GRIK2: variants seen among roughly 807,000 people sequenced by gnomAD.
GRIK2 encodes the protein glutamate ionotropic receptor kainate type subunit 2, also known as glutamate receptor ionotropic, kainate 2.
Under a neutral mutation model 100.3 loss-of-function variants are expected in GRIK2, and 32 were observed. The ratio of observed to expected loss-of-function variants is 0.32; its 90% CI spans 0.24 to 0.43. GRIK2 has a LOEUF of 0.43. Among genes scored for constraint, GRIK2 ranks in the 20% least tolerant of loss-of-function variants. The pLI is 1.00. For missense variants in GRIK2, 843 were observed against 1,114.9 expected (o/e 0.76, Z 3.47); for synonymous variants, 417 against 389.4 (o/e 1.07, Z -0.83).
chr6:101,601,057 TG>T (rs1329401644), intron 2 of GRIK2, among the ~76,000 whole-genome samples: 1 of 151,660 alleles, frequency 6.6e-6, no homozygotes, highest in Non-Finnish European at 1.5e-5. Flanking sequence ...ATGTTGGCTG[TG>T]TGTTTGTCAT....
intron 7 of GRIK2, among the ~76,000 whole-genome samples, chr6:101,793,029 C>T (rs571024166): frequency 4.6e-5 from 7 of 152,272 alleles, no homozygotes; most frequent in Admixed American, 2.0e-4. Context: ...ATTCTTCACG[C>T]AGTTCTCGAG....
At position 101,819,746 on chromosome 6, in the gene GRIK2, G is replaced by A. The variant is rs766371540; in HGVS notation, c.1317+1263G>A. ...CTGTTGGGACTATTGCAGTAGCCAC[G>A]TAACTATTTCTTCTGCCTGTGGCTT... On this transcript the variant is annotated intron_variant, in intron 10 of 16. Transcript: ENST00000369134. Among the ~76,000 whole-genome samples, 12 of 152,148 alleles carry A rather than the reference G, an allele frequency of 7.9e-5. No homozygotes were observed. In the East Asian group the frequency reaches 9.7e-4, roughly 12 times the overall value.
chr6:101,647,739 G>T (rs964499915), intron 4 of GRIK2, among the ~76,000 whole-genome samples: 2 of 151,980 alleles, frequency 1.3e-5, no homozygotes, highest in Admixed American at 6.6e-5. Context: ...TATTTTAAAA[G>T]GGCAGGCAAT....
At chr6:101,396,190 C>T (rs975693953) in intron 1 of GRIK2, among the ~76,000 whole-genome samples, 1 of 151,018 alleles carries the variant, frequency 6.6e-6, no homozygotes. Context: ...GTTAAGGCAT[C>T]AACTATGCCA....
intron 5 of GRIK2, 22 bp from the exon 6 acceptor site, chr6:101,682,531 A>G (rs1447949095): frequency 1.9e-6 from 2 of 1,037,538 alleles, no homozygotes; most frequent in Admixed American, 1.8e-5. Flanking sequence ...ATGTACCTTC[A>G]GTAATTTTTT....
intron 14 of GRIK2, among the ~76,000 whole-genome samples, chr6:102,016,545 A>T (rs1350011987): frequency 6.6e-6 from 1 of 151,536 alleles, no homozygotes; most frequent in Non-Finnish European, 1.5e-5. Flanking sequence ...TAATACAAAA[A>T]AAATAAATAA....
chr6:101,833,045 G>A (rs1341026047), intron 10 of GRIK2, among the ~76,000 whole-genome samples: 1 of 152,074 alleles, frequency 6.6e-6, no homozygotes, highest in African/African-American at 2.4e-5. Context: ...GATTTCTGTG[G>A]TTGAATGTTT....
At chr6:101,980,704 C>A (rs990531634) in intron 14 of GRIK2, among the ~76,000 whole-genome samples, 1 of 151,686 alleles carries the variant, frequency 6.6e-6, no homozygotes, top group Non-Finnish European at 1.5e-5. Flanking sequence ...CTAATAAGAT[C>A]TTTTCAAGTT....
rs143808702 is a variant in GRIK2 at position 101,883,289 on chromosome 6, AAATAAT to A, written c.1525-6322_1525-6317del. Among the ~76,000 whole-genome samples the A allele has an allele frequency of 5.4e-3, 779 of 144,272 alleles. 4 individuals carry two copies. Among genetic ancestry groups the A allele is most frequent in the South Asian group, 0.014 (65 of 4,552 alleles). 94.6% of individuals were successfully genotyped at this position (144,272 alleles called of 152,430 possible). A position where few individuals can be genotyped will look rare whatever the true frequency, so the allele number is the denominator to read the frequency against. ...AAACCTCAAGAGTATTCTCTTTGGC[AAATAAT>A]AATAATAATAATAATAATAATAATA... On this transcript the variant is annotated intron_variant, in intron 11 of 16. Transcript: ENST00000369134.
At chr6:101,696,544 A>T (rs948142034) in intron 7 of GRIK2, among the ~76,000 whole-genome samples, 2 of 151,904 alleles carry the variant, frequency 1.3e-5, no homozygotes, top group Non-Finnish European at 2.9e-5. Flanking sequence ...AGGAATAGTG[A>T]CCCAAACAAT....
intron 12 of GRIK2, among the ~76,000 whole-genome samples, chr6:101,890,962 A>G (rs1174524080): frequency 2.0e-5 from 3 of 150,340 alleles, no homozygotes; most frequent in African/African-American, 7.3e-5. Context: ...AGATAAAAAT[A>G]CCTATAAAGT....
At chr6:101,526,359 T>A (rs1775156430) in intron 2 of GRIK2, among the ~76,000 whole-genome samples, 1 of 152,208 alleles carries the variant, frequency 6.6e-6, no homozygotes, top group African/African-American at 2.4e-5. Flanking sequence ...AGGCTAGAAT[T>A]GCTAATAATT....
intron 2 of GRIK2, among the ~76,000 whole-genome samples, chr6:101,549,809 T>C (rs1776421326): frequency 6.6e-6 from 1 of 152,200 alleles, no homozygotes; most frequent in South Asian, 2.1e-4. Context: ...TTACATAGTT[T>C]GGTGCCTTTT....
intron 7 of GRIK2, among the ~76,000 whole-genome samples, chr6:101,702,787 G>C (rs1772986515): frequency 6.6e-6 from 1 of 151,742 alleles, no homozygotes; most frequent in African/African-American, 2.4e-5. Flanking sequence ...ATAAGAAATA[G>C]GTAGCCATAC....
intron 2 of GRIK2, among the ~76,000 whole-genome samples, chr6:101,498,732 A>C (rs1286323986): frequency 3.3e-5 from 5 of 151,484 alleles, no homozygotes; most frequent in Admixed American, 2.0e-4. Flanking sequence ...TTTTTCTTGT[A>C]AATTTGTTTG....
chr6:101,875,613 C>G (rs181343339), intron 11 of GRIK2, among the ~76,000 whole-genome samples: 1 of 151,698 alleles, frequency 6.6e-6, no homozygotes, highest in Non-Finnish European at 1.5e-5. Context: ...TTGCTTTCTT[C>G]TTGTTTTTCT....
intron 10 of GRIK2, among the ~76,000 whole-genome samples, chr6:101,855,214 C>T (rs1000117952): frequency 1.3e-5 from 2 of 152,120 alleles, no homozygotes; most frequent in Admixed American, 1.3e-4. Context: ...GCCTTGAGCA[C>T]CAACGGCTTG....
At chr6:101,415,431 C>T (rs577554950) in intron 2 of GRIK2, among the ~76,000 whole-genome samples, 5 of 139,934 alleles carry the variant, frequency 3.6e-5, no homozygotes, top group South Asian at 4.5e-4. Context: ...AGTGCAGTGG[C>T]GCGATCTCGG....
In GRIK2 at chr6:101,489,780, T is replaced by C. The variant is rs1284108042; in HGVS notation, c.115+90388T>C. 9.6e-5 allele frequency among the ~76,000 whole-genome samples: 14 copies of C among 146,374 alleles called. 5 individuals are homozygous for C. The highest frequency in any genetic ancestry group is 2.9e-4 in the African/African-American group (11 of 38,358). On this transcript the variant is annotated intron_variant, in intron 2 of 16. Coordinates refer to ENST00000369134, the MANE Select transcript of GRIK2 (RefSeq NM_021956.5). ...CTTCTCTGACAAGCATTGTGGATTA[T>C]GAAATCCCAGCATTAGACAACATAT...
Sources: gnomAD v4.1 joint callset for allele counts (sites outside exome capture counted in the v4.1 genomes callset) on GRCh38, gnomAD v4.1.1 for gene constraint, MANE v1.5 for transcripts, NCBI Gene and HGNC (gene_info 2026-07-23, HGNC 2026-07-21) for gene names.